The following MGRN1 variants were observed in gnomAD, a reference collection of about 807,000 sequenced individuals.
MGRN1 encodes E3 ubiquitin-protein ligase MGRN1.
In MGRN1, 29 loss-of-function variants were observed where a neutral mutation model predicts 69.2. The ratio of observed to expected loss-of-function variants is 0.42; its 90% CI spans 0.31 to 0.57. MGRN1 has a LOEUF of 0.57. Ranked by LOEUF, MGRN1 falls within the 20% of genes least tolerant of loss-of-function variation. MGRN1 has a pLI of 0.15. For missense variants in MGRN1, 998 were observed against 796.2 expected (o/e 1.25, Z -3.05); for synonymous variants, 470 against 344.2 (o/e 1.37, Z -4.04).
At chr16:4,641,226 G>A (rs1216031374) in intron 1 of MGRN1, among the ~76,000 whole-genome samples, 1 of 152,312 alleles carries the variant, frequency 6.6e-6, no homozygotes, top group Admixed American at 6.5e-5. Context: ...AGGAAAGGGC[G>A]GCCCCGCCCC....
intron 5 of MGRN1, among the ~76,000 whole-genome samples, chr16:4,658,618 G>C (rs1284460324): frequency 6.6e-6 from 1 of 152,016 alleles, no homozygotes; most frequent in East Asian, 1.9e-4. Context: ...CTGCTAGCAG[G>C]CCTCATGAGC....
chr16:4,664,220 T>G (rs183328850), intron 5 of MGRN1: 3 of 218,008 alleles, frequency 1.4e-5, no homozygotes, highest in Admixed American at 5.2e-5. Context: ...CACCGATGCG[T>G]GCTGCACCGT....
chr16:4,646,009 C>T (rs186522359), intron 1 of MGRN1, among the ~76,000 whole-genome samples: 37 of 152,276 alleles, frequency 2.4e-4, no homozygotes, highest in Non-Finnish European at 1.5e-5. Context: ...CAGAAAGACT[C>T]GACGTCTCTT....
intron 7 of MGRN1, 57 bp from the exon 8 acceptor site, chr16:4,668,208 G>T (rs556122516): frequency 4.2e-5 from 65 of 1,564,682 alleles, no homozygotes; most frequent in Non-Finnish European, 5.5e-5. Context: ...GGCCACGCAG[G>T]GGTGCTCAGA....
At chr16:4,632,550 C>A (rs978076408) in intron 1 of MGRN1, among the ~76,000 whole-genome samples, 8 of 152,124 alleles carry the variant, frequency 5.3e-5, no homozygotes, top group Non-Finnish European at 1.2e-4. Context: ...CCCGCCACTA[C>A]GTCTGGCTAA....
In MGRN1 at chr16:4,678,357, A is replaced by C. The variant is rs568470853; in HGVS notation, c.1065+785A>C. Among the ~76,000 whole-genome samples, 3 of 152,372 alleles carry C rather than the reference A, an allele frequency of 2.0e-5. No homozygotes were observed. In the East Asian group the frequency reaches 5.8e-4, roughly 29 times the overall value. ...CATGGAGAGAGATGCACAGAGAAACACAGAGACAGGGCGAGAGAGAGGTGG... is the reference window on the plus strand; with the variant it reads ...CATGGAGAGAGATGCACAGAGAAACCCAGAGACAGGGCGAGAGAGAGGTGG... On this transcript the variant is annotated intron_variant, in intron 11 of 16. Transcript: ENST00000262370.
At chr16:4,668,388 C>A in intron 8 of MGRN1, 76 bp downstream of exon 8, 1 of 1,441,064 alleles carries the variant, frequency 6.9e-7, no homozygotes, top group Non-Finnish European at 9.7e-7. Flanking sequence ...CATACTCATA[C>A]ATAGACACAC....
At chr16:4,647,512 G>C (rs766101064) in intron 1 of MGRN1, among the ~76,000 whole-genome samples, 74 of 152,168 alleles carry the variant, frequency 4.9e-4, no homozygotes, top group Non-Finnish European at 6.8e-4. Context: ...TCCACCCCTC[G>C]TCTGCTCTGC....
chr16:4,645,779 A>C (rs536031785), intron 1 of MGRN1, among the ~76,000 whole-genome samples: 2 of 152,106 alleles, frequency 1.3e-5, no homozygotes, highest in African/African-American at 4.8e-5. Flanking sequence ...CTCGGAGGCT[A>C]CTGGGACCTG....
At position 4,632,444 on chromosome 16, in the gene MGRN1, A is replaced by T. The variant is rs528795410; in HGVS notation, c.88+7396A>T. Among the ~76,000 whole-genome samples, 179 of 151,642 alleles carry T rather than the reference A, an allele frequency of 1.2e-3. 1 individual carries two copies. Among genetic ancestry groups the T allele is most frequent in the African/African-American group, 4.2e-3 (175 of 41,278 alleles). On this transcript the variant is annotated intron_variant, in intron 1 of 16. Transcript: ENST00000262370. ...AGTCTTGCTCTGTCGCCCAGGCTGG[A>T]GTGCAGTGGCGCAATCTCTGCTCAC... is the stretch of plus-strand genomic sequence containing the variant.
At chr16:4,652,367 C>G (rs1019148225) in intron 3 of MGRN1, among the ~76,000 whole-genome samples, 5 of 152,030 alleles carry the variant, frequency 3.3e-5, no homozygotes, top group Admixed American at 2.0e-4. Context: ...ACGGCCCCCC[C>G]ACAGACAGGA....
chr16:4,676,065 C>A (rs1356034237), intron 10 of MGRN1, among the ~76,000 whole-genome samples: 2 of 152,242 alleles, frequency 1.3e-5, no homozygotes, highest in Non-Finnish European at 2.9e-5. Flanking sequence ...GCCAGCAGAC[C>A]TCCAAGCCGG....
At chr16:4,674,156 T>C (rs1299531175) in intron 10 of MGRN1, among the ~76,000 whole-genome samples, 1 of 152,128 alleles carries the variant, frequency 6.6e-6, no homozygotes, top group Non-Finnish European at 1.5e-5. Flanking sequence ...AGCTAATATT[T>C]TACTTTTATT....
At chr16:4,657,207 C>T (rs777406431) in intron 4 of MGRN1, 39 bp from the exon 5 acceptor site, 6 of 1,590,088 alleles carry the variant, frequency 3.8e-6, no homozygotes, top group Middle Eastern at 1.7e-4. Context: ...GGGCCCTCTT[C>T]CTGCCGCAGC....
intron 16 of MGRN1, chr16:4,688,484 G>C (rs1476320262): frequency 8.7e-7 from 1 of 1,151,804 alleles, no homozygotes; most frequent in Non-Finnish European, 1.1e-6. Context: ...CCGGAACCAG[G>C]GCAAGGGCAG....
At chr16:4,637,977 A>G (rs1021313545) in intron 1 of MGRN1, among the ~76,000 whole-genome samples, 1 of 152,136 alleles carries the variant, frequency 6.6e-6, no homozygotes, top group African/African-American at 2.4e-5. Flanking sequence ...GCTTAGTCAG[A>G]GTTGTTCTCA....
At chr16:4,664,806 G>T (rs758310230) in intron 6 of MGRN1, 31 bp downstream of exon 6, 3 of 1,610,138 alleles carry the variant, frequency 1.9e-6, no homozygotes, top group Non-Finnish European at 2.6e-6. Context: ...CCTCCTGGGC[G>T]TGCAGGCCGT....
intron 1 of MGRN1, among the ~76,000 whole-genome samples, chr16:4,641,676 G>A (rs1253013394): frequency 6.6e-6 from 1 of 151,952 alleles, no homozygotes; most frequent in African/African-American, 2.4e-5. Context: ...CCACCACCAT[G>A]CCCAGCTAAT....
intron 1 of MGRN1, among the ~76,000 whole-genome samples, chr16:4,632,287 T>C (rs1596255648): frequency 8.9e-6 from 1 of 112,864 alleles, no homozygotes; most frequent in African/African-American, 2.6e-5. Context: ...GAGCTGGTAT[T>C]ACAGGCATGA....
Sources: gnomAD v4.1 joint callset for allele counts (sites outside exome capture counted in the v4.1 genomes callset) on GRCh38, gnomAD v4.1.1 for gene constraint, MANE v1.5 for transcripts, NCBI Gene and HGNC (gene_info 2026-07-23, HGNC 2026-07-21) for gene names.